The following CHD1L variants were observed in gnomAD, a reference collection of about 807,000 sequenced individuals.
CHD1L encodes the protein chromodomain helicase DNA binding protein 1 like.
CHD1L carries 118 observed loss-of-function variants against 115.9 expected under a neutral mutation model. That is an observed-to-expected ratio of 1.02 (90% CI 0.88 to 1.19). CHD1L has a LOEUF of 1.19. Ranked by LOEUF, CHD1L falls within the 50% of genes most tolerant of loss-of-function variation. CHD1L has a pLI of 0.00. For missense variants in CHD1L, 1,179 were observed against 1,065.3 expected (o/e 1.11, Z -1.49); for synonymous variants, 411 against 387.1 (o/e 1.06, Z -0.72).
upstream of CHD1L, chr1:147,242,628 C>G (rs1571511261): frequency 3.3e-6 from 4 of 1,229,940 alleles, no homozygotes; most frequent in Non-Finnish European, 4.1e-6. Context: ...AGCGCGCAGT[C>G]GCGCGCCCCC....
At chr1:147,281,816 T>C (rs1443406740) in intron 15 of CHD1L, among the ~76,000 whole-genome samples, 1 of 151,960 alleles carries the variant, frequency 6.6e-6, no homozygotes, top group Non-Finnish European at 1.5e-5. Flanking sequence ...TATTTATTTA[T>C]TTATTGAAAT....
rs1683115236 is a variant in CHD1L at position 147,286,314 on chromosome 1, T to TC, written c.2037dup (p.Asn680GlnfsTer11). 1.2e-6 allele frequency: 2 copies of TC among 1,614,012 alleles called. No homozygotes were observed. The highest frequency in any genetic ancestry group is 1.7e-6 in the Non-Finnish European group (2 of 1,179,994). ...CTGCTAAAGGATGGCCTGGTGGGAA[T>TC]CCAACAATTACCAGTCCTTCTGCCT... On this transcript the variant is annotated frameshift_variant, in exon 18 of 23. Coordinates refer to ENST00000369258, the MANE Select transcript of CHD1L (RefSeq NM_004284.6). LOFTEE classifies it high-confidence loss of function.
intron 7 of CHD1L, among the ~76,000 whole-genome samples, chr1:147,265,213 C>T (rs72999640): frequency 0.014 from 2,137 of 152,132 alleles, 44 homozygotes; most frequent in African/African-American, 0.049. Flanking sequence ...CTTCTCATAG[C>T]AAAAATCTCC....
intron 6 of CHD1L, among the ~76,000 whole-genome samples, chr1:147,263,517 G>A (rs1281494887): frequency 6.7e-6 from 1 of 149,076 alleles, no homozygotes; most frequent in Non-Finnish European, 1.5e-5. Flanking sequence ...CTAAATTCTT[G>A]TGAATGTCAG....
At chr1:147,274,362 T>C (rs587759533) in intron 12 of CHD1L, among the ~76,000 whole-genome samples, 1 of 152,302 alleles carries the variant, frequency 6.6e-6, no homozygotes, top group African/African-American at 2.4e-5. Flanking sequence ...CAGTAATCGG[T>C]CATGATTACC....
At chr1:147,184,731 A>G in the CHD1L span, 4 of 1,295,194 alleles carry the variant, frequency 3.1e-6, no homozygotes, top group East Asian at 8.6e-5. The surrounding 1 kb of genome is among the most constrained non-coding windows in gnomAD (Gnocchi z 4.4). Flanking sequence ...TATTACTGTT[A>G]GTGTTAATCT....
At chr1:147,291,353 G>A in intron 19 of CHD1L, 129 bp from the exon 20 acceptor site, 1 of 727,962 alleles carries the variant, frequency 1.4e-6, no homozygotes, top group Admixed American at 2.2e-5. Flanking sequence ...GGCCAGGAAA[G>A]TGAGAAAGGG....
intron 18 of CHD1L, among the ~76,000 whole-genome samples, chr1:147,286,744 T>C (rs1553966312): frequency 6.6e-6 from 1 of 152,224 alleles, no homozygotes; most frequent in East Asian, 1.9e-4. Flanking sequence ...ACAATATCTG[T>C]CTTATCCTCT....
intron 15 of CHD1L, among the ~76,000 whole-genome samples, chr1:147,281,272 G>A (rs1349412073): frequency 2.0e-5 from 3 of 152,120 alleles, no homozygotes; most frequent in Non-Finnish European, 2.9e-5. Flanking sequence ...ACTGTCTTTT[G>A]TGGGTAACTT....
the CHD1L span, chr1:147,208,367 C>A: frequency 6.6e-6 from 1 of 152,464 alleles, no homozygotes; most frequent in African/African-American, 2.4e-5. Flanking sequence ...ACCAATAGAT[C>A]TTGGACATCT....
At chr1:147,272,108 T>G (rs1199883065) in intron 11 of CHD1L, 63 bp from the exon 12 acceptor site, 18 of 1,434,394 alleles carry the variant, frequency 1.3e-5, no homozygotes, top group Non-Finnish European at 1.2e-5. Context: ...GGGCTTAATT[T>G]TTTATTCCCC....
In CHD1L at chr1:147,267,463, A is replaced by G; in HGVS notation, c.933A>G (p.Leu311=). The change falls in exon 9 of 23, where the codon CTA becomes CTG. Residue 311 remains leucine, a synonymous_variant. Coordinates refer to ENST00000369258, the MANE Select transcript of CHD1L (RefSeq NM_004284.6). ...FENETAKKVK[L]QNILSQLRKC... The stretch of plus-strand genomic sequence containing the variant: ...ATGAGACGGCAAAGAAAGTTAAACT[A>G]CAGAACATTTTGTCCCAGCTTCGAA... 3.1e-6 allele frequency: 5 copies of G among 1,613,276 alleles called. No homozygotes were observed. Among genetic ancestry groups the G allele is most frequent in the Non-Finnish European group, 4.2e-6 (5 of 1,179,578 alleles).
the CHD1L span, among the ~76,000 whole-genome samples, chr1:147,214,630 G>T: frequency 6.6e-6 from 1 of 151,974 alleles, no homozygotes; most frequent in African/African-American, 2.4e-5. Context: ...TCAGCTTTAA[G>T]AAAACTTTAT....
chr1:147,263,819 A>G (rs1672865457), intron 6 of CHD1L, among the ~76,000 whole-genome samples: 1 of 151,414 alleles, frequency 6.6e-6, no homozygotes, highest in Admixed American at 6.6e-5. Context: ...GACATCTTGC[A>G]TCTTGGTGTT....
the CHD1L span, chr1:147,209,141 C>T: frequency 2.6e-6 from 3 of 1,149,150 alleles, no homozygotes; most frequent in South Asian, 4.3e-5. Context: ...CATTTCAGGC[C>T]CGGCGCGGTG....
intron 15 of CHD1L, among the ~76,000 whole-genome samples, chr1:147,284,060 G>A (rs1397516526): frequency 6.6e-6 from 1 of 152,188 alleles, no homozygotes; most frequent in East Asian, 1.9e-4. Flanking sequence ...GGGAATAAAT[G>A]AATGAGGAAT....
In CHD1L at chr1:147,242,740, G is replaced by A. The variant is rs782370058; in HGVS notation, c.37G>A (p.Ala13Thr). 8.3e-5 allele frequency: 105 copies of A among 1,261,788 alleles called. 1 individual carries two copies. The highest frequency in any genetic ancestry group is 8.0e-5 in the Non-Finnish European group (80 of 997,514). 78.2% of individuals were successfully genotyped at this position (1,261,788 alleles called of 1,614,324 possible). The change falls in exon 1 of 23, where the codon GCC (alanine) becomes ACC (threonine). Residue 13 changes from alanine to threonine, a missense_variant. Coordinates refer to ENST00000369258, the MANE Select transcript of CHD1L (RefSeq NM_004284.6). ...GGGCGCTACTAGCCGCGGGGGCCAA[G>A]CCCCTGGCTTCTTACTGCGGCTTCA... The part of the protein sequence containing the change: ...RAGATSRGGQ[A>T]PGFLLRLHTE...
chr1:147,239,442 C>T (rs1553930337), upstream of CHD1L, among the ~76,000 whole-genome samples: 1 of 152,170 alleles, frequency 6.6e-6, no homozygotes, highest in Non-Finnish European at 1.5e-5. Flanking sequence ...TTCTTCATTT[C>T]TCCCAGATGC....
rs587735295 is a variant in CHD1L, at chr1:147,285,246, G to A, written c.1855-78G>A. On this transcript the variant is annotated intron_variant, in intron 16 of 22. Transcript: ENST00000369258. ...GTGGAATATTAAGCATGTTGCTTCC[G>A]TACAGTGTGTGTTAGGGATAATGAA... is the stretch of plus-strand genomic sequence containing the variant. 1.7e-5 allele frequency: 25 copies of A among 1,471,058 alleles called. No individual in the cohort carries two copies. The South Asian group carries it at 2.5e-4, about 14-fold the overall frequency. The allele number at this position is 1,471,058 out of a possible 1,614,324, so 91.1% of individuals were successfully genotyped here.
Sources: gnomAD v4.1 joint callset for allele counts (sites outside exome capture counted in the v4.1 genomes callset) on GRCh38, gnomAD v4.1.1 for gene constraint, Gnocchi (gnomAD v3.1) non-coding constraint, MANE v1.5 for transcripts, NCBI Gene and HGNC (gene_info 2026-07-23, HGNC 2026-07-21) for gene names.